The following GOT1 variants were observed in gnomAD, a reference collection of about 807,000 sequenced individuals.
GOT1 encodes the protein glutamic-oxaloacetic transaminase 1, also known as aspartate aminotransferase, cytoplasmic.
GOT1 carries 25 observed loss-of-function variants against 48.2 expected under a neutral mutation model. The ratio of observed to expected loss-of-function variants is 0.52; its 90% CI spans 0.38 to 0.72. The LOEUF (loss-of-function observed/expected upper bound fraction) is 0.72, where lower values mean the gene tolerates loss of function less well. GOT1 is among the 30% of genes least tolerant of loss of function. The pLI, the probability that GOT1 is intolerant of heterozygous loss-of-function variation, is 0.00. For missense variants in GOT1, 380 were observed against 520.1 expected (o/e 0.73, Z 2.62); for synonymous variants, 188 against 193.8 (o/e 0.97, Z 0.25).
At chr10:99,410,610 C>G (rs1222567249) in intron 2 of GOT1, among the ~76,000 whole-genome samples, 3 of 152,192 alleles carry the variant, frequency 2.0e-5, no homozygotes, top group African/African-American at 7.2e-5. Context: ...GAAGTTATCA[C>G]TCCCTAAAAA....
At chr10:99,407,461 C>A (rs1229974768) in intron 2 of GOT1, among the ~76,000 whole-genome samples, 2 of 146,700 alleles carry the variant, frequency 1.4e-5, no homozygotes, top group African/African-American at 5.1e-5. Context: ...TTGAGACAGT[C>A]TCATTCTGTC....
chr10:99,417,849 C>A (rs2032916009), intron 2 of GOT1, among the ~76,000 whole-genome samples: 1 of 151,990 alleles, frequency 6.6e-6, no homozygotes, highest in Non-Finnish European at 1.5e-5. Flanking sequence ...GGGAATTGAA[C>A]AATGAGAACA....
chr10:99,424,868 G>A (rs183366728), intron 1 of GOT1, among the ~76,000 whole-genome samples: 133 of 152,270 alleles, frequency 8.7e-4, no homozygotes, highest in African/African-American at 3.1e-3. Context: ...TTCCTCTTGG[G>A]TGACTGGAGC....
intron 2 of GOT1, among the ~76,000 whole-genome samples, chr10:99,417,358 T>G (rs1017032543): frequency 6.6e-6 from 1 of 152,036 alleles, no homozygotes; most frequent in Non-Finnish European, 1.5e-5. Context: ...ATCAGAGAAA[T>G]GCAAATCAAA....
intron 1 of GOT1, 34 bp downstream of exon 1, chr10:99,430,414 G>A (rs1039583210): frequency 6.2e-7 from 1 of 1,601,218 alleles, no homozygotes; most frequent in Non-Finnish European, 8.5e-7. Flanking sequence ...TCCACTCCCC[G>A]AGCTGCTCAC....
chr10:99,421,074 A>G (rs1271404806), intron 1 of GOT1, among the ~76,000 whole-genome samples: 3 of 152,248 alleles, frequency 2.0e-5, no homozygotes, highest in Non-Finnish European at 4.4e-5. Flanking sequence ...GAATGCTGAA[A>G]TAAAACTGGG....
Position 99,397,723 on chromosome 10 carries a change from G to A in GOT1, c.1103-37C>T. On this transcript the variant is annotated intron_variant, in intron 8 of 8. Coordinates refer to ENST00000370508, the MANE Select transcript of GOT1 (RefSeq NM_002079.3). This position sits in a 1 kb window ranked among gnomAD's most constrained non-coding sequence, Gnocchi z 5.4. ...CAAAAGAAGACATAATCAGAGCAGA[G>A]GGGATCCTTAAAGCAGTGGAGGCTC... 3 of 1,606,556 alleles carry A rather than the reference G, an allele frequency of 1.9e-6. No homozygotes were observed. The highest frequency in any genetic ancestry group is 2.6e-6 in the Non-Finnish European group (3 of 1,173,352).
intron 1 of GOT1, among the ~76,000 whole-genome samples, chr10:99,427,999 C>A (rs1028533115): frequency 1.3e-5 from 2 of 152,206 alleles, no homozygotes; most frequent in African/African-American, 2.4e-5. Flanking sequence ...GACAAAGGCA[C>A]CTTCACAGCT....
intron 2 of GOT1, among the ~76,000 whole-genome samples, chr10:99,415,419 A>G (rs1475295528): frequency 6.6e-6 from 1 of 152,240 alleles, no homozygotes; most frequent in Non-Finnish European, 1.5e-5. Flanking sequence ...GAATAGACCA[A>G]TAACAGGAGC....
chr10:99,430,193 AGACT>A (rs1310138965), intron 1 of GOT1: 10 of 974,246 alleles, frequency 1.0e-5, no homozygotes, highest in Non-Finnish European at 1.5e-5. Context: ...GGAATCGGAA[AGACT>A]GAGTTTGTGT....
chr10:99,426,914 G>A (rs558363483), intron 1 of GOT1, among the ~76,000 whole-genome samples: 3 of 152,272 alleles, frequency 2.0e-5, no homozygotes, highest in African/African-American at 7.2e-5. Context: ...GGGAAAAAAA[G>A]TATCTTCCCT....
intron 1 of GOT1, among the ~76,000 whole-genome samples, chr10:99,429,696 T>C (rs2033090384): frequency 6.6e-6 from 1 of 152,196 alleles, no homozygotes; most frequent in African/African-American, 2.4e-5. Flanking sequence ...TCTTGGCAGA[T>C]GGGGAAACTG....
chr10:99,397,240 CCA>C lies in GOT1; in HGVS notation c.*305_*306del, dbSNP rs1208018928. The C allele has an allele frequency of 3.5e-6, 1 of 282,558 alleles. No homozygotes were observed. The highest frequency in any genetic ancestry group is 6.8e-6 in the Non-Finnish European group (1 of 146,966). The allele number at this position is 282,558 out of a possible 1,614,324, so 17.5% of individuals were successfully genotyped here. ...AACACCACATAGAAGCACGTGGCCG[CCA>C]CACACAACACTCCTTTTTAGTGAGA... On this transcript the variant is annotated 3_prime_UTR_variant, in exon 9 of 9. Transcript: ENST00000370508. This position sits in a 1 kb window ranked among gnomAD's most constrained non-coding sequence, Gnocchi z 5.4.
intron 4 of GOT1, 105 bp downstream of exon 4, chr10:99,406,032 A>G: frequency 1.2e-6 from 1 of 825,988 alleles, no homozygotes; most frequent in South Asian, 1.4e-5. Flanking sequence ...ACCATCAGGT[A>G]TGGGGAAGGT....
chr10:99,421,314 A>C (rs1449689053), intron 1 of GOT1, among the ~76,000 whole-genome samples: 2 of 152,198 alleles, frequency 1.3e-5, no homozygotes, highest in African/African-American at 4.8e-5. Flanking sequence ...GAGTGGAAGA[A>C]GGCCCACCAC....
At position 99,414,008 on chromosome 10, in the gene GOT1, G is replaced by A. The variant is rs539469217; in HGVS notation, c.300+6616C>T. Among the ~76,000 whole-genome samples, 5 of 152,222 alleles carry A rather than the reference G, an allele frequency of 3.3e-5. No homozygotes were observed. The South Asian group carries it at 6.2e-4, about 19-fold the overall frequency. ...AACATGCCAAATTGTAAAGACCATC[G>A]AGGCTAGGAAGAAACTGCATCAACT... On this transcript the variant is annotated intron_variant, in intron 2 of 8. Transcript: ENST00000370508.
At chr10:99,427,399 G>A (rs1352224724) in intron 1 of GOT1, among the ~76,000 whole-genome samples, 1 of 152,188 alleles carries the variant, frequency 6.6e-6, no homozygotes, top group East Asian at 1.9e-4. Context: ...CTCCCGTGTA[G>A]CTGGGACTGC....
chr10:99,406,006 T>C, intron 4 of GOT1, 131 bp downstream of exon 4: 1 of 802,596 alleles, frequency 1.2e-6, no homozygotes, highest in East Asian at 2.4e-5. Context: ...CTCTCTTACA[T>C]GCTATGTCAG....
chr10:99,419,619 C>A (rs1367402849), intron 2 of GOT1, among the ~76,000 whole-genome samples: 2 of 152,008 alleles, frequency 1.3e-5, no homozygotes, highest in Non-Finnish European at 2.9e-5. Flanking sequence ...AAAAATATGC[C>A]CATGGGGGAG....
Sources: gnomAD v4.1 joint callset for allele counts (sites outside exome capture counted in the v4.1 genomes callset) on GRCh38, gnomAD v4.1.1 for gene constraint, Gnocchi (gnomAD v3.1) non-coding constraint, MANE v1.5 for transcripts, NCBI Gene and HGNC (gene_info 2026-07-23, HGNC 2026-07-21) for gene names.